PTPRN2: variants seen among roughly 807,000 people sequenced by gnomAD.
The protein encoded by PTPRN2 is receptor-type tyrosine-protein phosphatase N2.
PTPRN2 carries 74 observed loss-of-function variants against 118.8 expected under a neutral mutation model. That is an observed-to-expected ratio of 0.62 (90% confidence interval 0.52 to 0.76). PTPRN2 has a LOEUF of 0.76. Ranked by LOEUF, PTPRN2 falls within the 30% of genes least tolerant of loss-of-function variation. The pLI, the probability that PTPRN2 is intolerant of heterozygous loss-of-function variation, is 0.00. For missense variants in PTPRN2, 1,481 were observed against 1,394.4 expected, an observed-to-expected ratio of 1.06 and a Z score of -0.99; for synonymous variants, 641 against 608.0, an observed-to-expected ratio of 1.05 and a Z score of -0.80.
intron 11 of PTPRN2, among the ~76,000 whole-genome samples, chr7:158,055,371 G>C (rs185980998): frequency 6.6e-6 from 1 of 152,148 alleles, no homozygotes. Context: ...AAGCGGTAGC[G>C]TCAGTGCCAA....
At chr7:158,268,226 G>C (rs1413886164) in intron 3 of PTPRN2, among the ~76,000 whole-genome samples, 1 of 151,182 alleles carries the variant, frequency 6.6e-6, no homozygotes, top group Non-Finnish European at 1.5e-5. Context: ...ACACAGAGCG[G>C]GGTGTGAGAT....
At chr7:158,539,041 G>A (rs544621667) in intron 1 of PTPRN2, among the ~76,000 whole-genome samples, 6 of 152,218 alleles carry the variant, frequency 3.9e-5, no homozygotes, top group South Asian at 2.1e-4. Context: ...TGGAGGGAAC[G>A]ACAACTGCAG....
intron 12 of PTPRN2, among the ~76,000 whole-genome samples, chr7:157,820,683 GC>G (rs1245717712): frequency 1.3e-5 from 2 of 152,188 alleles, no homozygotes; most frequent in African/African-American, 4.8e-5. Flanking sequence ...TTCACCTGAG[GC>G]CAAGCCAAGG....
intron 11 of PTPRN2, among the ~76,000 whole-genome samples, chr7:157,911,454 C>T (rs543359239): frequency 9.8e-5 from 15 of 152,310 alleles, no homozygotes; most frequent in African/African-American, 2.9e-4. Flanking sequence ...GTATATATCA[C>T]GGGCTCCTGG....
chr7:157,834,193 C>T (rs979112431), intron 12 of PTPRN2, among the ~76,000 whole-genome samples: 4 of 113,572 alleles, frequency 3.5e-5, no homozygotes, highest in Non-Finnish European at 6.7e-5. Flanking sequence ...GTGATCAATC[C>T]ATCAATTCCA....
intron 13 of PTPRN2, among the ~76,000 whole-genome samples, chr7:157,660,131 A>C (rs894338673): frequency 3.3e-5 from 5 of 152,210 alleles, no homozygotes; most frequent in Non-Finnish European, 7.3e-5. Context: ...AGTAACTTCT[A>C]TCTCTTCACA....
rs537774882 is a variant in PTPRN2 at position 157,762,747 on chromosome 7, TAAAA to T, written c.1789-79814_1789-79811del. ...TACCCTAAAACTTAAAGTATAATAA[TAAAA>T]AAAAAAGAGAAAAAAGAAAAAACTT... On this transcript the variant is annotated intron_variant, in intron 12 of 22. Coordinates refer to ENST00000389418, the MANE Select transcript of PTPRN2 (RefSeq NM_002847.5). 1.7e-3 allele frequency among the ~76,000 whole-genome samples: 238 copies of T among 144,204 alleles called. 1 individual carries two copies. The highest frequency in any genetic ancestry group is 5.8e-3 in the African/African-American group (228 of 39,152). The allele number at this position is 144,204 out of a possible 152,430, so 94.6% of individuals were successfully genotyped here.
At position 157,676,199 on chromosome 7, in the gene PTPRN2, TC is replaced by T. The variant is rs532943677; in HGVS notation, c.2001+6525del. 1.2e-3 allele frequency among the ~76,000 whole-genome samples: 189 copies of T among 152,078 alleles called. No individual in the cohort carries two copies. Among genetic ancestry groups the T allele is most frequent in the African/African-American group, 4.5e-3 (185 of 41,478 alleles). The stretch of plus-strand genomic sequence containing the variant: ...TCTTGGCCTGACTGGGAGGACCTCT[TC>T]CCTCTAGCCCAGTTCCTCCTGGCAG... On this transcript the variant is annotated intron_variant, in intron 13 of 22. Transcript: ENST00000389418. The surrounding 1 kb of genome is among the most constrained non-coding windows in gnomAD (Gnocchi z 5.6).
At chr7:157,616,005 C>A in intron 15 of PTPRN2, 1 of 210,972 alleles carries the variant, frequency 4.7e-6, no homozygotes, top group Non-Finnish European at 9.6e-6. Context: ...CCTGGGGCCC[C>A]TCTGGAGGGT....
At chr7:158,087,727 C>T (rs570809536) in intron 10 of PTPRN2, among the ~76,000 whole-genome samples, 2 of 126,826 alleles carry the variant, frequency 1.6e-5, no homozygotes, top group Admixed American at 7.6e-5. Flanking sequence ...TCACACAAAC[C>T]TTCTTCCCTT....
rs180705665 is a variant in PTPRN2, at chr7:157,582,431, C to G, written c.2497-4291G>C. ...AATGTCATCAGCCATCAGGGAAATG[C>G]AAATCAAAACCACAGCGCACTGGCA... On this transcript the variant is annotated intron_variant, in intron 17 of 22. Transcript: ENST00000389418. Among the ~76,000 whole-genome samples the G allele has an allele frequency of 4.5e-3, 689 of 152,296 alleles. 2 individuals carry two copies. Among genetic ancestry groups the G allele is most frequent in the Non-Finnish European group, 7.3e-3 (497 of 68,018 alleles).
chr7:157,958,376 A>G (rs1801314017), intron 11 of PTPRN2, among the ~76,000 whole-genome samples: 1 of 152,216 alleles, frequency 6.6e-6, no homozygotes, highest in Non-Finnish European at 1.5e-5. Flanking sequence ...GTTATTCAAG[A>G]CAGTATTGGA....
intron 4 of PTPRN2, among the ~76,000 whole-genome samples, chr7:158,201,162 C>G (rs1468450631): frequency 6.6e-6 from 1 of 151,870 alleles, no homozygotes; most frequent in African/African-American, 2.4e-5. Flanking sequence ...GTGATCCTCT[C>G]TCTCAGCCTC....
rs1018175601 is a variant in PTPRN2, at chr7:158,492,544, G to A, written c.113-2759C>T. 5.9e-5 allele frequency among the ~76,000 whole-genome samples: 9 copies of A among 152,150 alleles called. 1 individual carries two copies. The highest frequency in any genetic ancestry group is 5.8e-4 in the East Asian group (3 of 5,196). ...TACTGGCATGTGCCCAACCTGATTC[G>A]TTACTCCAGAGGACTGATGAGAAGT... On this transcript the variant is annotated intron_variant, in intron 1 of 22. Coordinates refer to ENST00000389418, the MANE Select transcript of PTPRN2 (RefSeq NM_002847.5).
At chr7:158,260,581 GC>G (rs1164457676) in intron 3 of PTPRN2, among the ~76,000 whole-genome samples, 1 of 151,992 alleles carries the variant, frequency 6.6e-6, no homozygotes, top group Non-Finnish European at 1.5e-5. Context: ...CAAAACAAAA[GC>G]AAAACAACCA....
At chr7:158,140,180 G>A (rs1317388468) in intron 6 of PTPRN2, among the ~76,000 whole-genome samples, 2 of 152,296 alleles carry the variant, frequency 1.3e-5, no homozygotes, top group South Asian at 4.1e-4. Flanking sequence ...ACAGCTGCAG[G>A]CATGAACTGG....
At chr7:158,547,327 C>G (rs1826348978) in intron 1 of PTPRN2, among the ~76,000 whole-genome samples, 1 of 150,032 alleles carries the variant, frequency 6.7e-6, no homozygotes, top group South Asian at 2.1e-4. Context: ...TGCTGACTCC[C>G]CAGCCCCTGG....
chr7:158,159,869 G>T (rs1822202785), intron 6 of PTPRN2, among the ~76,000 whole-genome samples: 1 of 152,240 alleles, frequency 6.6e-6, no homozygotes, highest in Non-Finnish European at 1.5e-5. Context: ...CTCATGGCTA[G>T]CAGGACATGG....
chr7:157,904,682 G>A (rs1228776021), intron 11 of PTPRN2, among the ~76,000 whole-genome samples: 2 of 152,226 alleles, frequency 1.3e-5, no homozygotes, highest in East Asian at 1.9e-4. Context: ...GACTTCACGC[G>A]GCCCTGTGTT....
Sources: allele counts gnomAD v4.1 joint callset (sites outside exome capture counted in the v4.1 genomes callset), GRCh38; gene constraint gnomAD v4.1.1; non-coding constraint Gnocchi (gnomAD v3.1); transcripts MANE v1.5; gene names NCBI Gene and HGNC (gene_info 2026-07-23, HGNC 2026-07-21).